The following PLRG1 variants were observed in gnomAD, a reference collection of about 807,000 sequenced individuals.
PLRG1 encodes pleiotropic regulator 1, also known as pleiotropic regulator 1 (PRL1 homolog, Arabidopsis).
Under a neutral mutation model 74.9 loss-of-function variants are expected in PLRG1, and 28 were observed. The ratio of observed to expected loss-of-function variants is 0.37; its 90% CI spans 0.28 to 0.51. The LOEUF (loss-of-function observed/expected upper bound fraction) is 0.51, where lower values mean the gene tolerates loss of function less well. PLRG1 is among the 20% of genes least tolerant of loss of function. The pLI is 0.91. For missense variants in PLRG1, 445 were observed against 631.9 expected, an observed-to-expected ratio of 0.70 and a Z score of 3.17; for synonymous variants, 197 against 212.4, an observed-to-expected ratio of 0.93 and a Z score of 0.63.
At chr4:154,537,576 C>T (rs7668014) in intron 13 of PLRG1, 97 bp from the exon 14 acceptor site, 233,404 of 779,788 alleles carry the variant, frequency 0.3, 37,179 homozygotes, top group Middle Eastern at 0.38. Context: ...GGGAATACTA[C>T]GGTTATAAAA....
At chr4:154,543,005 C>G (rs1729581839) in intron 7 of PLRG1, among the ~76,000 whole-genome samples, 1 of 152,104 alleles carries the variant, frequency 6.6e-6, no homozygotes, top group Non-Finnish European at 1.5e-5. Context: ...GGCTAGTTAG[C>G]TTGGTAGCAC....
intron 2 of PLRG1, among the ~76,000 whole-genome samples, chr4:154,548,191 A>T (rs1222251188): frequency 6.6e-6 from 1 of 152,216 alleles, no homozygotes; most frequent in East Asian, 1.9e-4. Context: ...CAAAATATAA[A>T]TATAGTAAAA....
intron 2 of PLRG1, among the ~76,000 whole-genome samples, 186 bp from the exon 3 acceptor site, chr4:154,548,039 C>A (rs971530166): frequency 1.3e-5 from 2 of 152,148 alleles, no homozygotes; most frequent in Admixed American, 6.5e-5. Flanking sequence ...GACCACACAG[C>A]ATTCATTAAA....
In PLRG1 at chr4:154,536,089, G is replaced by A. The variant is rs548900220; in HGVS notation, c.*596C>T. On this transcript the variant is annotated 3_prime_UTR_variant, in exon 15 of 15. Transcript: ENST00000499023. Reference sequence around the variant, plus strand: ...AAAAATAAATGGTCTTATCCCTTCTGTTCCCCCAGCATTTCACCTGCACCT... The same window carrying A: ...AAAAATAAATGGTCTTATCCCTTCTATTCCCCCAGCATTTCACCTGCACCT... The A allele has an allele frequency of 6.5e-6, 1 of 152,906 alleles. No homozygotes were observed. Among genetic ancestry groups the A allele is most frequent in the Non-Finnish European group, 1.5e-5 (1 of 68,700 alleles). 9.5% of individuals were successfully genotyped at this position (152,906 alleles called of 1,614,324 possible). A position where few individuals can be genotyped will look rare whatever the true frequency, so the allele number is the denominator to read the frequency against.
chr4:154,549,134 C>T, intron 1 of PLRG1, 199 bp from the exon 2 acceptor site: 1 of 574,060 alleles, frequency 1.7e-6, no homozygotes, highest in Admixed American at 2.3e-5. Context: ...TCAGGTTTAG[C>T]AACTGAGTGA....
intron 1 of PLRG1, chr4:154,549,542 T>C: frequency 2.6e-6 from 1 of 384,104 alleles, no homozygotes; most frequent in South Asian, 1.9e-5. Context: ...GCTTTGTAGC[T>C]GCAAGGGTAG....
chr4:154,536,817 A>G (rs1354276463), intron 14 of PLRG1, 73 bp from the exon 15 acceptor site: 5 of 791,064 alleles, frequency 6.3e-6, no homozygotes, highest in Admixed American at 4.8e-5. Context: ...CCTTTCTAAC[A>G]AAAATAAGGT....
At chr4:154,539,596 A>C (rs1182178682) in intron 11 of PLRG1, among the ~76,000 whole-genome samples, 1 of 152,094 alleles carries the variant, frequency 6.6e-6, no homozygotes, top group Non-Finnish European at 1.5e-5. Flanking sequence ...GAGCAAAGTA[A>C]GATTCAAATC....
chr4:154,538,701 A>G (rs1306831510), intron 12 of PLRG1, among the ~76,000 whole-genome samples: 1 of 152,062 alleles, frequency 6.6e-6, no homozygotes, highest in Non-Finnish European at 1.5e-5. Context: ...CTCTGACTGT[A>G]ATGTTCACGG....
chr4:154,538,026 G>T lies in PLRG1; in HGVS notation c.1234C>A (p.His412Asn). 1 of 1,556,408 alleles carries T rather than the reference G, an allele frequency of 6.4e-7. No individual in the cohort carries two copies. Among genetic ancestry groups the T allele is most frequent in the South Asian group, 1.2e-5 (1 of 82,504 alleles). ...DGSFIQNLSG[H>N]NAIINTLTVN... The stretch of plus-strand genomic sequence containing the variant: ...GTCAATGTGTTAATAATAGCATTAT[G>T]ACCGGAAAGATTTTGAATGAAACTT... The change falls in exon 13 of 15, where the codon CAT becomes AAT. Residue 412 changes from histidine (H) to asparagine (N), a missense_variant. Coordinates refer to ENST00000499023, the MANE Select transcript of PLRG1 (RefSeq NM_002669.4).
intron 8 of PLRG1, 151 bp downstream of exon 8, chr4:154,542,036 C>T: frequency 1.7e-6 from 1 of 599,530 alleles, no homozygotes; most frequent in Non-Finnish European, 3.0e-6. Flanking sequence ...ATTTAGAACA[C>T]TTATTAGTAT....
At chr4:154,550,012 C>G (rs60198817) in intron 1 of PLRG1, among the ~76,000 whole-genome samples, 43,374 of 152,140 alleles carry the variant, frequency 0.29, 6,406 homozygotes, top group Middle Eastern at 0.38. Flanking sequence ...GGTCGATCAC[C>G]AACAGAGGCC....
At chr4:154,540,108 G>A (rs781531563) in intron 10 of PLRG1, 55 bp from the exon 11 acceptor site, 2 of 924,590 alleles carry the variant, frequency 2.2e-6, no homozygotes, top group African/African-American at 3.2e-5. Context: ...ATTATCTCAA[G>A]AAGATAACTG....
chr4:154,549,570 T>C (rs1729721349), intron 1 of PLRG1: 1 of 411,674 alleles, frequency 2.4e-6, no homozygotes, highest in Admixed American at 2.7e-5. Context: ...CCAGATTAGG[T>C]AAGGTCTTTT....
chr4:154,546,080 T>C, intron 5 of PLRG1, 43 bp downstream of exon 5: 1 of 1,262,038 alleles, frequency 7.9e-7, no homozygotes, highest in Non-Finnish European at 1.1e-6. Flanking sequence ...ATGTGAACAG[T>C]GAAATATGCT....
chr4:154,549,203 G>A (rs1313783333), intron 1 of PLRG1: 5 of 430,346 alleles, frequency 1.2e-5, no homozygotes, highest in African/African-American at 6.1e-5. Context: ...TGTCTGGCAG[G>A]TATTGTGCTA....
At chr4:154,548,779 T>C in intron 2 of PLRG1, 50 bp downstream of exon 2, 1 of 919,360 alleles carries the variant, frequency 1.1e-6, no homozygotes, top group Non-Finnish European at 1.8e-6. Context: ...CTTCCCCTAG[T>C]ATTAGAATGT....
At chr4:154,541,338 T>C (rs1461756205) in intron 8 of PLRG1, among the ~76,000 whole-genome samples, 1 of 152,152 alleles carries the variant, frequency 6.6e-6, no homozygotes. Context: ...CCATTTTTGC[T>C]TACCATATTA....
At chr4:154,547,146 T>C (rs984396441) in intron 3 of PLRG1, 82 bp from the exon 4 acceptor site, 1 of 1,011,902 alleles carries the variant, frequency 9.9e-7, no homozygotes, top group Admixed American at 1.8e-5. Flanking sequence ...TCAAGTAATA[T>C]TAAGTTTTCA....
Sources: gnomAD v4.1 joint callset for allele counts (sites outside exome capture counted in the v4.1 genomes callset) on GRCh38, gnomAD v4.1.1 for gene constraint, MANE v1.5 for transcripts, NCBI Gene and HGNC (gene_info 2026-07-23, HGNC 2026-07-21) for gene names.